Variants in ARMH3 observed in about 807,000 individuals in gnomAD.
ARMH3 encodes the protein armadillo-like helical domain-containing protein 3.
Under a neutral mutation model 99.1 loss-of-function variants are expected in ARMH3, and 60 were observed. The ratio of observed to expected loss-of-function variants is 0.61; its 90% CI spans 0.49 to 0.75. The LOEUF (loss-of-function observed/expected upper bound fraction) is 0.75, where lower values mean the gene tolerates loss of function less well. ARMH3 is among the 30% of genes least tolerant of loss of function. The pLI, the probability that ARMH3 is intolerant of heterozygous loss-of-function variation, is 0.00. For synonymous variants in ARMH3, 285 were observed against 292.8 expected (o/e 0.97, Z 0.27); for missense variants, 679 against 843.1 (o/e 0.81, Z 2.41).
chr10:101,952,852 A>C (rs1431596619), intron 22 of ARMH3: 1 of 152,228 alleles, frequency 6.6e-6, no homozygotes, highest in Non-Finnish European at 1.5e-5. Context: ...GCCCCTGGTA[A>C]TCATCATCCT....
At chr10:101,952,820 A>C (rs1051664843) in intron 22 of ARMH3, 1 of 151,968 alleles carries the variant, frequency 6.6e-6, no homozygotes, top group Non-Finnish European at 1.5e-5. Context: ...ACATTAAGCA[A>C]CTCTCTTTGT....
chr10:101,938,942 A>T (rs1358022540), intron 23 of ARMH3, among the ~76,000 whole-genome samples: 1 of 152,212 alleles, frequency 6.6e-6, no homozygotes, highest in African/African-American at 2.4e-5. Context: ...CAGATGTGCC[A>T]AACAGGGTAG....
At chr10:102,042,626 A>C (rs1247086637) in intron 1 of ARMH3, among the ~76,000 whole-genome samples, 4 of 152,326 alleles carry the variant, frequency 2.6e-5, no homozygotes, top group Non-Finnish European at 5.9e-5. Flanking sequence ...AAGCTGCCTG[A>C]AATGTGACTG....
chr10:101,941,748 G>A (rs180953218), intron 22 of ARMH3, among the ~76,000 whole-genome samples: 391 of 152,300 alleles, frequency 2.6e-3, no homozygotes, highest in Non-Finnish European at 3.8e-3. Context: ...GTTTCACTGA[G>A]TGCATGTGAG....
intron 2 of ARMH3, among the ~76,000 whole-genome samples, chr10:102,035,820 C>T (rs1443907961): frequency 2.6e-5 from 4 of 152,216 alleles, no homozygotes; most frequent in East Asian, 3.9e-4. Flanking sequence ...TCTGCCCGGC[C>T]GCCACCCCGA....
At chr10:101,876,641 A>T (rs1055937115) in intron 24 of ARMH3, among the ~76,000 whole-genome samples, 1 of 152,242 alleles carries the variant, frequency 6.6e-6, no homozygotes, top group African/African-American at 2.4e-5. Flanking sequence ...TAGAGATACA[A>T]GTTTGCATAA....
intron 23 of ARMH3, among the ~76,000 whole-genome samples, chr10:101,890,456 C>T (rs1020884494): frequency 3.9e-5 from 6 of 152,060 alleles, no homozygotes; most frequent in African/African-American, 1.4e-4. Flanking sequence ...GCCATGTCGC[C>T]CAGGCTCAAG....
At chr10:101,889,536 G>A (rs1431388509) in intron 23 of ARMH3, 46 bp from the exon 24 acceptor site, 3 of 1,500,758 alleles carry the variant, frequency 2.0e-6, no homozygotes, top group Non-Finnish European at 2.8e-6. Context: ...TAGAAGAGGT[G>A]GATACATCTG....
intron 22 of ARMH3, 38 bp from the exon 23 acceptor site, chr10:101,939,976 C>T (rs1418338169): frequency 3.9e-6 from 6 of 1,550,734 alleles, no homozygotes; most frequent in Middle Eastern, 1.7e-4. Context: ...GTCAAACCCC[C>T]GGCATAAAAC....
intron 1 of ARMH3, among the ~76,000 whole-genome samples, chr10:102,050,880 A>T (rs2067685710): frequency 6.6e-6 from 1 of 150,766 alleles, no homozygotes; most frequent in African/African-American, 2.4e-5. Context: ...AAAAAAGGCC[A>T]GGCATGGTGG....
intron 25 of ARMH3, among the ~76,000 whole-genome samples, chr10:101,848,658 A>C (rs548047321): frequency 9.8e-5 from 15 of 152,306 alleles, no homozygotes; most frequent in African/African-American, 3.6e-4. Context: ...AAACTGGACC[A>C]GACCCTCTTT....
chr10:102,040,171 T>A, intron 1 of ARMH3, 46 bp from the exon 2 acceptor site: 1 of 1,465,768 alleles, frequency 6.8e-7, no homozygotes, highest in East Asian at 2.3e-5. Context: ...ATACTCAGTA[T>A]GATACTATAA....
chr10:101,913,572 C>A (rs1181505643), intron 23 of ARMH3, among the ~76,000 whole-genome samples: 1 of 151,804 alleles, frequency 6.6e-6, no homozygotes, highest in East Asian at 1.9e-4. Flanking sequence ...TTGTATGTTG[C>A]CAGGGCTGAT....
Position 101,889,488 on chromosome 10 carries a change from G to A in ARMH3, c.1784C>T (p.Ala595Val). ...KVTHALVNIR[A>V]IINHFNPKIE... ...TTTGGGGTTAAAGTGGTTGATGATG[G>A]CTCTGAAACAAAGAATTCGTATTAA... The change falls in exon 24 of 26, where the codon GCC (alanine) becomes GTC (valine). Residue 595 changes from alanine (A) to valine (V), a missense_variant and splice_region_variant. Around this residue, in one of 3 missense-constraint regions of ARMH3, gnomAD observed 389 missense variants for 456.5 expected, o/e 0.85. Transcript: ENST00000370033. 10 of 1,611,142 alleles carry A rather than the reference G, an allele frequency of 6.2e-6. No homozygotes were observed. Among genetic ancestry groups the A allele is most frequent in the Non-Finnish European group, 8.5e-6 (10 of 1,177,306 alleles).
chr10:101,873,035 T>G (rs1244995153), intron 24 of ARMH3, among the ~76,000 whole-genome samples: 3 of 152,006 alleles, frequency 2.0e-5, no homozygotes, highest in African/African-American at 7.3e-5. Context: ...ATTCCCAGTG[T>G]GGCAAAGACA....
chr10:102,012,701 ATCTGCCAGGG>A, intron 10 of ARMH3, 122 bp downstream of exon 10: 1 of 779,324 alleles, frequency 1.3e-6, no homozygotes. Context: ...GAGCAAATAC[ATCTGCCAGGG>A]GCTGTACATC....
intron 23 of ARMH3, among the ~76,000 whole-genome samples, chr10:101,935,609 T>C (rs1843931308): frequency 6.6e-6 from 1 of 152,154 alleles, no homozygotes; most frequent in Non-Finnish European, 1.5e-5. Flanking sequence ...AAGACATAAT[T>C]TGGAGCTATT....
At chr10:101,850,021 A>T in intron 24 of ARMH3, 129 bp from the exon 25 acceptor site, 1 of 679,810 alleles carries the variant, frequency 1.5e-6, no homozygotes, top group Non-Finnish European at 2.4e-6. Context: ...CTTATTACTT[A>T]TCTTCCAGAA....
intron 24 of ARMH3, among the ~76,000 whole-genome samples, chr10:101,871,293 C>G (rs985510671): frequency 6.6e-6 from 1 of 152,100 alleles, no homozygotes; most frequent in Non-Finnish European, 1.5e-5. Context: ...TAATGCAATT[C>G]TAATCAAAAT....
Sources: allele counts gnomAD v4.1 joint callset (sites outside exome capture counted in the v4.1 genomes callset), GRCh38; gene constraint gnomAD v4.1.1; regional missense constraint gnomAD v4.1.1; transcripts MANE v1.5; gene names NCBI Gene and HGNC (gene_info 2026-07-23, HGNC 2026-07-21).